DSCAM: variants seen among roughly 807,000 people sequenced by gnomAD.
DSCAM encodes cell adhesion molecule DSCAM.
In DSCAM, 47 loss-of-function variants were observed where a neutral mutation model predicts 217.7. The ratio of observed to expected loss-of-function variants is 0.22; its 90% CI spans 0.17 to 0.28. The LOEUF (loss-of-function observed/expected upper bound fraction) is 0.28, where lower values mean the gene tolerates loss of function less well. Among genes scored for constraint, DSCAM ranks in the 10% least tolerant of loss-of-function variants. The pLI, the probability that DSCAM is intolerant of heterozygous loss-of-function variation, is 1.00. For synonymous variants in DSCAM, 1,056 were observed against 1,015.3 expected (o/e 1.04, Z -0.76); for missense variants, 2,080 against 2,618.3 (o/e 0.79, Z 4.49).
chr21:40,081,810 T>C (rs2089465656), intron 24 of DSCAM, among the ~76,000 whole-genome samples: 1 of 152,218 alleles, frequency 6.6e-6, no homozygotes, highest in Admixed American at 6.5e-5. Flanking sequence ...CTTTGGCCAC[T>C]ACTGTGTTTC....
chr21:40,759,180 T>C (rs1158618564), intron 1 of DSCAM, among the ~76,000 whole-genome samples: 1 of 151,850 alleles, frequency 6.6e-6, no homozygotes, highest in Non-Finnish European at 1.5e-5. Flanking sequence ...TGGCATTGAG[T>C]CTCCCAGTCC....
chr21:40,119,615 G>A (rs960080619), intron 20 of DSCAM, among the ~76,000 whole-genome samples: 7 of 151,998 alleles, frequency 4.6e-5, no homozygotes, highest in Non-Finnish European at 1.0e-4. Context: ...ATTGGGAAAT[G>A]CCTACATTTA....
chr21:40,811,641 G>A (rs970009441), intron 1 of DSCAM, among the ~76,000 whole-genome samples: 1 of 152,226 alleles, frequency 6.6e-6, no homozygotes, highest in African/African-American at 2.4e-5. Context: ...ACAGAACAAA[G>A]GCTGATGCAG....
At chr21:40,782,998 C>T (rs2123435079) in intron 1 of DSCAM, among the ~76,000 whole-genome samples, 1 of 152,268 alleles carries the variant, frequency 6.6e-6, no homozygotes, top group South Asian at 2.1e-4. Context: ...GATTATGGAG[C>T]TTATGTCCTG....
At chr21:40,655,078 G>A (rs936673229) in intron 3 of DSCAM, among the ~76,000 whole-genome samples, 23 of 152,094 alleles carry the variant, frequency 1.5e-4, no homozygotes, top group Non-Finnish European at 2.5e-4. Flanking sequence ...GAGAAGGAGA[G>A]AGAAAATGGA....
At chr21:40,537,396 T>C (rs982976195) in intron 3 of DSCAM, among the ~76,000 whole-genome samples, 6 of 152,046 alleles carry the variant, frequency 3.9e-5, no homozygotes, top group African/African-American at 1.4e-4. Flanking sequence ...GTAACTAAAC[T>C]CTGAGAAAAC....
chr21:40,698,404 G>A (rs1456986771), intron 2 of DSCAM, among the ~76,000 whole-genome samples: 1 of 152,134 alleles, frequency 6.6e-6, no homozygotes, highest in Non-Finnish European at 1.5e-5. Flanking sequence ...AGGGGATTGG[G>A]TTATAACTTT....
chr21:40,619,345 G>T (rs920418421), intron 3 of DSCAM, among the ~76,000 whole-genome samples: 5 of 152,068 alleles, frequency 3.3e-5, no homozygotes, highest in African/African-American at 1.2e-4. Flanking sequence ...GAATATTTTT[G>T]ATGATTACAT....
At chr21:40,770,153 A>G (rs2091431902) in intron 1 of DSCAM, among the ~76,000 whole-genome samples, 2 of 152,192 alleles carry the variant, frequency 1.3e-5, no homozygotes, top group South Asian at 4.1e-4. Context: ...CTTCCTAAAA[A>G]CAAAAGGGAG....
chr21:40,127,095 C>T (rs1248098514), intron 19 of DSCAM, among the ~76,000 whole-genome samples: 1 of 152,092 alleles, frequency 6.6e-6, no homozygotes, highest in African/African-American at 2.4e-5. Flanking sequence ...TATAAATCTA[C>T]AATAATAACT....
chr21:40,434,190 T>G (rs2075562619), intron 3 of DSCAM, among the ~76,000 whole-genome samples: 1 of 152,172 alleles, frequency 6.6e-6, no homozygotes, highest in African/African-American at 2.4e-5. Context: ...AGCACACTTA[T>G]TCTCAAACAT....
chr21:40,625,177 A>G (rs1260366008), intron 3 of DSCAM, among the ~76,000 whole-genome samples: 1 of 152,194 alleles, frequency 6.6e-6, no homozygotes, highest in Non-Finnish European at 1.5e-5. Flanking sequence ...AGAGATGTTG[A>G]TGAAGTTCAA....
chr21:40,044,187 G>T lies in DSCAM; in HGVS notation c.5274C>A (p.Thr1758=). The T allele has an allele frequency of 6.2e-7, 1 of 1,614,176 alleles. No homozygotes were observed. The highest frequency in any genetic ancestry group is 8.5e-7 in the Non-Finnish European group (1 of 1,180,036). The change falls in exon 31 of 33, where the codon ACC becomes ACA. Residue 1758 remains threonine (T), a synonymous_variant. Transcript: ENST00000400454. The stretch of plus-strand genomic sequence containing the variant: ...CTGTGGTGAGGGTGTGTGCTGAGAT[G>T]GTGGGGTGGGGTCGGTTGAGGGTCC... ...SQWTLNRPHP[T]ISAHTLTTDW...
intron 3 of DSCAM, among the ~76,000 whole-genome samples, chr21:40,612,637 A>G (rs956456733): frequency 6.6e-6 from 1 of 152,170 alleles, no homozygotes; most frequent in African/African-American, 2.4e-5. Flanking sequence ...AACATAGCCA[A>G]TGGCAGTTTT....
rs73362188 is a variant in DSCAM at position 40,176,053 on chromosome 21, A to G, written c.2947+2874T>C. ...CATGAAGACATGATGATACACCTCAAAGGCTACTGTCAGCAAAATCCCTCC... is the reference window on the plus strand; with the variant it reads ...CATGAAGACATGATGATACACCTCAGAGGCTACTGTCAGCAAAATCCCTCC... On this transcript the variant is annotated intron_variant, in intron 15 of 32. Coordinates refer to ENST00000400454, the MANE Select transcript of DSCAM (RefSeq NM_001389.5). Among the ~76,000 whole-genome samples the G allele has an allele frequency of 7.5e-3, 1,142 of 152,008 alleles. 17 individuals are homozygous for G. Among genetic ancestry groups the G allele is most frequent in the African/African-American group, 0.026 (1,083 of 41,460 alleles).
intron 28 of DSCAM, among the ~76,000 whole-genome samples, chr21:40,058,400 T>C (rs192504645): frequency 6.6e-6 from 1 of 152,310 alleles, no homozygotes; most frequent in African/African-American, 2.4e-5. Flanking sequence ...CTCTCTAGCA[T>C]ATACTTAGTT....
chr21:40,317,157 G>T (rs1176370061), intron 8 of DSCAM, among the ~76,000 whole-genome samples: 2 of 152,234 alleles, frequency 1.3e-5, no homozygotes, highest in Admixed American at 6.5e-5. Flanking sequence ...ACTCCGAAAT[G>T]ATGAGGCTGT....
intron 3 of DSCAM, among the ~76,000 whole-genome samples, chr21:40,522,664 G>T (rs2076368285): frequency 6.6e-6 from 1 of 152,154 alleles, no homozygotes; most frequent in South Asian, 2.1e-4. Flanking sequence ...CAGCTGATAG[G>T]TGTGATCGTC....
chr21:40,748,025 AT>A (rs1287556233), intron 1 of DSCAM, among the ~76,000 whole-genome samples: 2 of 151,922 alleles, frequency 1.3e-5, no homozygotes, highest in Non-Finnish European at 2.9e-5. Context: ...CAATTCCTTC[AT>A]AAAAATCCTC....
Sources: gnomAD v4.1 joint callset for allele counts (sites outside exome capture counted in the v4.1 genomes callset) on GRCh38, gnomAD v4.1.1 for gene constraint, MANE v1.5 for transcripts, NCBI Gene and HGNC (gene_info 2026-07-23, HGNC 2026-07-21) for gene names.